Variants in ABHD1 observed in about 807,000 individuals in gnomAD.
ABHD1 encodes the protein abhydrolase domain containing 1.
Under a neutral mutation model 41.4 loss-of-function variants are expected in ABHD1, and 47 were observed. The ratio of observed to expected loss-of-function variants is 1.13; its 90% CI spans 0.90 to 1.45. The LOEUF is 1.45. ABHD1 is among the 40% of genes most tolerant of loss of function. ABHD1 has a pLI of 0.00. For synonymous variants in ABHD1, 205 were observed against 203.7 expected, an observed-to-expected ratio of 1.01 and a Z score of -0.05; for missense variants, 550 against 503.4, an observed-to-expected ratio of 1.09 and a Z score of -0.89.
intron 1 of ABHD1, 135 bp from the exon 2 acceptor site, chr2:27,128,306 T>A (rs1210216101): frequency 9.6e-7 from 1 of 1,037,920 alleles, no homozygotes; most frequent in East Asian, 2.4e-5. Context: ...CTGTGCTGAG[T>A]ATCTCACATG....
rs1421028517 is a variant in ABHD1, at chr2:27,130,683, A to G, written c.1157A>G (p.Gln386Arg). The G allele has an allele frequency of 1.9e-6, 3 of 1,614,120 alleles. No individual in the cohort carries two copies. Among genetic ancestry groups the G allele is most frequent in the Non-Finnish European group, 2.5e-6 (3 of 1,180,048 alleles). The change falls in exon 9 of 9, where the codon CAG (glutamine) becomes CGG (arginine). Residue 386 changes from glutamine (Q) to arginine (R), a missense_variant. By Grantham distance (43) the Gln-to-Arg change is conservative. Transcript: ENST00000316470. Reference protein sequence around the residue: ...LLHQYAKAIFQDPEGLPDLRA... With the variant: ...LLHQYAKAIFRDPEGLPDLRA... ...CATCAGTACGCCAAAGCCATCTTCC[A>G]GGACCCAGAGGGGCTGCCTGACCTC...
At chr2:27,128,178 C>T (rs1056140125) in intron 1 of ABHD1, among the ~76,000 whole-genome samples, 1 of 152,212 alleles carries the variant, frequency 6.6e-6, no homozygotes, top group African/African-American at 2.4e-5. Flanking sequence ...GGAAAGTCAG[C>T]ACTCAGTCAA....
rs199828057 is a variant in ABHD1 at position 27,130,251 on chromosome 2, G to A, written c.841G>A (p.Ala281Thr). The A allele has an allele frequency of 3.7e-6, 6 of 1,614,126 alleles. No individual in the cohort carries two copies. The Admixed American group carries it at 8.3e-5, about 22-fold the overall frequency. The part of the protein sequence containing the change: ...KVVDIDFVLQ[A>T]RTIRQFDERY... The stretch of plus-strand genomic sequence containing the variant: ...GCCTATCCTATGGTAAGACCTGCAG[G>A]CCCGTACAATCCGCCAGTTTGATGA... The change falls in exon 8 of 9, where the codon GCC becomes ACC. Residue 281 changes from alanine (A) to threonine (T), a missense_variant and splice_region_variant. Coordinates refer to ENST00000316470, the MANE Select transcript of ABHD1 (RefSeq NM_032604.4).
Position 27,130,799 on chromosome 2 carries a change from CT to C in ABHD1, c.*59del, listed in dbSNP as rs1232038662. 1 of 1,567,842 alleles carries C rather than the reference CT, an allele frequency of 6.4e-7. No individual in the cohort carries two copies. ...TCTTTCCTTGTTTATTAAATATCAACTTTTCCTGCCTAATGGGCTGAGGTTC... is the reference window on the plus strand; with the variant it reads ...TCTTTCCTTGTTTATTAAATATCAACTTTCCTGCCTAATGGGCTGAGGTTC... On this transcript the variant is annotated 3_prime_UTR_variant, in exon 9 of 9. Transcript: ENST00000316470.
At chr2:27,130,069 C>G in intron 6 of ABHD1, 36 bp from the exon 7 acceptor site, 1 of 1,613,842 alleles carries the variant, frequency 6.2e-7, no homozygotes. Flanking sequence ...GGGATCAGAT[C>G]CAGGTGTCAA....
chr2:27,130,331 A>G lies in ABHD1; in HGVS notation c.921A>G (p.Ala307=), dbSNP rs1672180884. Reference sequence around the variant, plus strand: ...AAGACTGTGTTACCTACTACAAAGCAGCAAGCCCTAGAACCAAGATAGATG... The same window carrying G: ...AAGACTGTGTTACCTACTACAAAGCGGCAAGCCCTAGAACCAAGATAGATG... ...GYQDCVTYYK[A]ASPRTKIDAI... Residue 307 remains alanine (A), a synonymous_variant, in exon 8 of 9, where the codon GCA becomes GCG. Coordinates refer to ENST00000316470, the MANE Select transcript of ABHD1 (RefSeq NM_032604.4). 6.2e-7 allele frequency: 1 copy of G among 1,614,210 alleles called. No homozygotes were observed. Among genetic ancestry groups the G allele is most frequent in the African/African-American group, 1.3e-5 (1 of 75,048 alleles).
chr2:27,130,368 C>T lies in ABHD1; in HGVS notation c.958C>T (p.Pro320Ser). Reference protein sequence around the residue: ...PRTKIDAIRIPVLYLSAADDP... With the variant: ...PRTKIDAIRISVLYLSAADDP... Reference sequence around the variant, plus strand: ...AACCAAGATAGATGCCATCCGGATCCCTGTGCTCTATCTCAGTGCAGCAGA... The same window carrying T: ...AACCAAGATAGATGCCATCCGGATCTCTGTGCTCTATCTCAGTGCAGCAGA... The change falls in exon 8 of 9, where the codon CCT becomes TCT. Residue 320 changes from proline (P) to serine (S), a missense_variant. Transcript: ENST00000316470. 6.2e-7 allele frequency: 1 copy of T among 1,614,168 alleles called. No individual in the cohort carries two copies. Among genetic ancestry groups the T allele is most frequent in the Non-Finnish European group, 8.5e-7 (1 of 1,180,042 alleles).
chr2:27,130,091 A>G lies in ABHD1; in HGVS notation c.792-14A>G. 1 of 1,614,200 alleles carries G rather than the reference A, an allele frequency of 6.2e-7. No homozygotes were observed. Among genetic ancestry groups the G allele is most frequent in the South Asian group, 1.1e-5 (1 of 91,084 alleles). The stretch of plus-strand genomic sequence containing the variant: ...GATCCAGGTGTCAAGCCAAACTCTT[A>G]TGTACTTTTGCAGAAACAGAAAGGT... On this transcript the variant is annotated splice_polypyrimidine_tract_variant and intron_variant, in intron 6 of 8. Coordinates refer to ENST00000316470, the MANE Select transcript of ABHD1 (RefSeq NM_032604.4).
At chr2:27,130,441 T>C (rs1672188667) in intron 8 of ABHD1, 25 bp downstream of exon 8, 4 of 1,613,542 alleles carry the variant, frequency 2.5e-6, no homozygotes, top group East Asian at 2.2e-5. Context: ...TCAGGACACT[T>C]TGGCCCCAAG....
At position 27,124,067 on chromosome 2, in the gene ABHD1, G is replaced by C; in HGVS notation, c.114+5G>C. 1 of 1,613,234 alleles carries C rather than the reference G, an allele frequency of 6.2e-7. No homozygotes were observed. ...TACTGGGCATGTGTGCTTCAGGTGG[G>C]TGCGGGTCCACCGCTCTGGCCAGCG... On this transcript the variant is annotated splice_donor_5th_base_variant and intron_variant, in intron 1 of 8. Coordinates refer to ENST00000316470, the MANE Select transcript of ABHD1 (RefSeq NM_032604.4).
Position 27,129,775 on chromosome 2 carries a change from G to A in ABHD1, c.639G>A (p.Leu213=), listed in dbSNP as rs531155473. The change falls in exon 6 of 9, where the codon CTG becomes CTA. Residue 213 remains leucine, a synonymous_variant. Coordinates refer to ENST00000316470, the MANE Select transcript of ABHD1 (RefSeq NM_032604.4). ...SFGGILVLNH[L]AQARQAAGLV... ...ACAGGATACTGGTGCTGAATCACCT[G>A]GCACAGGCCAGGCAGGCTGCAGGGC... is the stretch of plus-strand genomic sequence containing the variant. The A allele has an allele frequency of 2.5e-6, 4 of 1,614,126 alleles. No individual in the cohort carries two copies. In the South Asian group the frequency reaches 3.3e-5, roughly 13 times the overall value.
At position 27,128,981 on chromosome 2, in the gene ABHD1, G is replaced by C. The variant is rs1476338205; in HGVS notation, c.312G>C (p.Leu104=). ...AAACACCAGATGGAGGCCAGCTCCT[G>C]CTAGACTGGGCCAAGCAGCCTGACA... is the stretch of plus-strand genomic sequence containing the variant. ...ILQTPDGGQL[L]LDWAKQPDSS... is the part of the protein sequence containing the mutation. Residue 104 remains leucine, a synonymous_variant, in exon 3 of 9, where the codon CTG becomes CTC. Transcript: ENST00000316470. 13 of 1,614,028 alleles carry C rather than the reference G, an allele frequency of 8.1e-6. No individual in the cohort carries two copies. The highest frequency in any genetic ancestry group is 7.6e-6 in the Non-Finnish European group (9 of 1,180,018).
chr2:27,123,840 G>T lies in ABHD1; in HGVS notation c.-109G>T, dbSNP rs1006747248. ...AGCAGCGCAAACTGCCTGCAGCGGG[G>T]ACCGGACCTGCACAGGCCGCCTATG... is the stretch of plus-strand genomic sequence containing the variant. On this transcript the variant is annotated 5_prime_UTR_variant, in exon 1 of 9. Transcript: ENST00000316470. 1.1e-6 allele frequency: 1 copy of T among 898,494 alleles called. No homozygotes were observed. Among genetic ancestry groups the T allele is most frequent in the South Asian group, 1.5e-5 (1 of 68,766 alleles). 55.7% of individuals were successfully genotyped at this position (898,494 alleles called of 1,614,324 possible).
chr2:27,127,572 G>GAAAAGA (rs1672021723), intron 1 of ABHD1, among the ~76,000 whole-genome samples: 1 of 31,804 alleles, frequency 3.1e-5, no homozygotes, highest in African/African-American at 6.3e-5. Context: ...AAAAAAAAAA[G>GAAAAGA]AAAAAAAAAA....
chr2:27,129,702 A>C (rs1285067577), intron 5 of ABHD1, 52 bp from the exon 6 acceptor site: 2 of 1,610,786 alleles, frequency 1.2e-6, no homozygotes, highest in East Asian at 2.2e-5. Flanking sequence ...CCTCTGTCCC[A>C]ACCCACATTA....
intron 5 of ABHD1, 22 bp from the exon 6 acceptor site, chr2:27,129,732 G>A (rs759513048): frequency 3.7e-6 from 6 of 1,613,106 alleles, no homozygotes; most frequent in Non-Finnish European, 5.1e-6. Context: ...CTTCTTTCAT[G>A]GTCCCTTGTC....
chr2:27,127,567 A>AT (rs1441686610), intron 1 of ABHD1, among the ~76,000 whole-genome samples: 1 of 55,548 alleles, frequency 1.8e-5, no homozygotes, highest in Non-Finnish European at 6.0e-5. Context: ...AAAAAAAAAA[A>AT]AAAAGAAAAA....
intron 1 of ABHD1, chr2:27,126,412 A>G (rs555908253): frequency 1.3e-4 from 20 of 152,362 alleles, no homozygotes; most frequent in African/African-American, 4.6e-4. Flanking sequence ...ACATCTCCCA[A>G]CAGTTGCACT....
rs775104040 is a variant in ABHD1 at position 27,123,986 on chromosome 2, G to A, written c.38G>A (p.Trp13Ter). The change falls in exon 1 of 9, where the codon TGG becomes TAG. Residue 13 changes from tryptophan (W) to a stop codon, truncating the protein, a stop_gained. Coordinates refer to ENST00000316470, the MANE Select transcript of ABHD1 (RefSeq NM_032604.4). LOFTEE classifies it high-confidence loss of function. ...TTCCTGAGCCCCCAGAATGGCACCT[G>A]GGCAGACACCTTCTCTCTGCTCTTG... ...SSFLSPQNGT[W>*]ADTFSLLLAL... The A allele has an allele frequency of 1.9e-6, 3 of 1,614,238 alleles. No homozygotes were observed. The South Asian group carries it at 3.3e-5, about 18-fold the overall frequency.
Sources: gnomAD v4.1 joint callset for allele counts (sites outside exome capture counted in the v4.1 genomes callset) on GRCh38, gnomAD v4.1.1 for gene constraint, MANE v1.5 for transcripts, NCBI Gene and HGNC (gene_info 2026-07-23, HGNC 2026-07-21) for gene names.